The following LRMDA variants were observed in gnomAD, a reference collection of about 807,000 sequenced individuals.
LRMDA encodes leucine-rich melanocyte differentiation-associated protein.
Under a neutral mutation model 29.8 loss-of-function variants are expected in LRMDA, and 18 were observed. That is an observed-to-expected ratio of 0.60 (90% CI 0.42 to 0.90). The LOEUF (loss-of-function observed/expected upper bound fraction) is 0.90. Ranked by LOEUF, LRMDA falls within the 40% of genes least tolerant of loss-of-function variation. LRMDA has a pLI of 0.00. For missense variants in LRMDA, 273 were observed against 273.9 expected (o/e 1.00, Z 0.02); for synonymous variants, 125 against 109.4 (o/e 1.14, Z -0.89).
chr10:76,221,420 A>G (rs1168625681), intron 5 of LRMDA, among the ~76,000 whole-genome samples: 1 of 152,284 alleles, frequency 6.6e-6, no homozygotes, highest in Non-Finnish European at 1.5e-5. Context: ...CAACTTCAGC[A>G]AAGTCTCAGG....
At chr10:76,228,342 C>G (rs867227405) in intron 5 of LRMDA, among the ~76,000 whole-genome samples, 1 of 152,102 alleles carries the variant, frequency 6.6e-6, no homozygotes, top group Non-Finnish European at 1.5e-5. Context: ...TCTATTTTAA[C>G]CACCCAAGGG....
intron 2 of LRMDA, among the ~76,000 whole-genome samples, chr10:75,791,482 C>A (rs959525084): frequency 6.6e-6 from 1 of 152,184 alleles, no homozygotes; most frequent in Non-Finnish European, 1.5e-5. Flanking sequence ...ATTACAAGCA[C>A]AATGCCATCT....
At chr10:75,843,365 G>A (rs1035905076) in intron 2 of LRMDA, among the ~76,000 whole-genome samples, 5 of 152,232 alleles carry the variant, frequency 3.3e-5, no homozygotes, top group Admixed American at 2.0e-4. Flanking sequence ...CACCTAGGAA[G>A]CTGGGTTTGA....
intron 2 of LRMDA, among the ~76,000 whole-genome samples, chr10:75,867,650 G>A (rs1366200117): frequency 6.6e-6 from 1 of 152,144 alleles, no homozygotes. Context: ...GACACTTTAA[G>A]AATTTATCCC....
chr10:76,147,448 C>G (rs529215040), intron 5 of LRMDA, among the ~76,000 whole-genome samples: 1 of 152,308 alleles, frequency 6.6e-6, no homozygotes, highest in Non-Finnish European at 1.5e-5. Flanking sequence ...TCTTCCATCA[C>G]TGATACCCTT....
intron 2 of LRMDA, among the ~76,000 whole-genome samples, chr10:75,725,407 C>G (rs1290931563): frequency 6.6e-6 from 1 of 152,152 alleles, no homozygotes; most frequent in Non-Finnish European, 1.5e-5. Context: ...GTCAAAGGGT[C>G]CTTTAAAAGG....
chr10:76,073,359 T>A (rs1024633538), intron 5 of LRMDA, among the ~76,000 whole-genome samples: 41 of 152,308 alleles, frequency 2.7e-4, no homozygotes, highest in African/African-American at 9.4e-4. Context: ...TCTAAATGTG[T>A]TCTTGATGTG....
chr10:75,490,336 TACACAC>T (rs56077469), intron 2 of LRMDA, among the ~76,000 whole-genome samples: 76,764 of 148,312 alleles, frequency 0.52, 19,828 homozygotes, highest in East Asian at 0.73. Context: ...CATGTACACA[TACACAC>T]ACACACACAC....
intron 2 of LRMDA, among the ~76,000 whole-genome samples, chr10:75,666,452 AT>A (rs1172301091): frequency 1.6e-4 from 24 of 151,918 alleles, no homozygotes; most frequent in African/African-American, 5.3e-4. Flanking sequence ...ATCTGAAAAA[AT>A]ATCTGAATTG....
rs56145957 is a variant in LRMDA, at chr10:76,091,276, C to CGTGTGTGTGTGT, written c.516+32524_516+32535dup. On this transcript the variant is annotated intron_variant, in intron 5 of 6. Transcript: ENST00000611255. ...GTTCTCCTGAAATAAACATGGTGGA[C>CGTGTGTGTGTGT]GTGTGTGTGTGTGTGTGTGTGTGTG... Among the ~76,000 whole-genome samples, 15 of 146,908 alleles carry CGTGTGTGTGTGT rather than the reference C, an allele frequency of 1.0e-4. No homozygotes were observed. In the South Asian group the frequency reaches 1.4e-3, roughly 13 times the overall value.
intron 2 of LRMDA, among the ~76,000 whole-genome samples, chr10:75,555,208 G>A (rs1017346441): frequency 2.0e-5 from 3 of 152,150 alleles, no homozygotes. Flanking sequence ...GGGAGAAGAT[G>A]CAGGCAGCTA....
chr10:75,848,596 C>T (rs955731518), intron 2 of LRMDA, among the ~76,000 whole-genome samples: 4 of 152,192 alleles, frequency 2.6e-5, no homozygotes, highest in African/African-American at 9.7e-5. Flanking sequence ...TATTCATAGG[C>T]ATCTGCCTAT....
At chr10:76,125,925 A>C (rs1849874124) in intron 5 of LRMDA, among the ~76,000 whole-genome samples, 1 of 152,218 alleles carries the variant, frequency 6.6e-6, no homozygotes, top group African/African-American at 2.4e-5. Flanking sequence ...ATATGTTCTG[A>C]CTTTTCCTAG....
rs1452039708 is a variant in LRMDA, at chr10:75,684,084, A to G, written c.131+245590A>G. On this transcript the variant is annotated intron_variant, in intron 2 of 6. Transcript: ENST00000611255. ...CCCAGAAATCAGTGGATGTTTTGCC[A>G]TTCCAATTTGGCTGAAGTATTTTGT... Among the ~76,000 whole-genome samples the G allele has an allele frequency of 3.3e-5, 5 of 152,230 alleles. No individual in the cohort carries two copies. The East Asian group carries it at 9.6e-4, about 29-fold the overall frequency.
At chr10:75,618,471 A>T (rs1305702780) in intron 2 of LRMDA, among the ~76,000 whole-genome samples, 1 of 141,666 alleles carries the variant, frequency 7.1e-6, no homozygotes, top group Non-Finnish European at 1.5e-5. Context: ...ATATATATCA[A>T]CCATATATAT....
At chr10:75,623,608 G>A (rs993591661) in intron 2 of LRMDA, among the ~76,000 whole-genome samples, 1 of 152,170 alleles carries the variant, frequency 6.6e-6, no homozygotes. Flanking sequence ...GTTTATTGTT[G>A]TGGTGTTTTT....
chr10:76,208,782 C>A (rs1049104035), intron 5 of LRMDA, among the ~76,000 whole-genome samples: 1 of 152,120 alleles, frequency 6.6e-6, no homozygotes, highest in African/African-American at 2.4e-5. Flanking sequence ...CATATTTTTC[C>A]CAGGCCCTTT....
At chr10:75,724,409 A>G (rs1184725908) in intron 2 of LRMDA, among the ~76,000 whole-genome samples, 3 of 152,238 alleles carry the variant, frequency 2.0e-5, no homozygotes, top group African/African-American at 7.2e-5. Flanking sequence ...AAGCTTTACA[A>G]CATAATAAAT....
At chr10:75,798,177 G>A (rs2132258382) in intron 2 of LRMDA, among the ~76,000 whole-genome samples, 1 of 151,882 alleles carries the variant, frequency 6.6e-6, no homozygotes, top group East Asian at 1.9e-4. Flanking sequence ...TTATTACTGA[G>A]TTACAAGTGT....
Sources: gnomAD v4.1 joint callset for allele counts (sites outside exome capture counted in the v4.1 genomes callset) on GRCh38, gnomAD v4.1.1 for gene constraint, MANE v1.5 for transcripts, NCBI Gene and HGNC (gene_info 2026-07-23, HGNC 2026-07-21) for gene names.